CALM2: variants seen among roughly 807,000 people sequenced by gnomAD.
The protein encoded by CALM2 is calmodulin-2.
In CALM2, 2 loss-of-function variants were observed where a neutral mutation model predicts 19.8. That is an observed-to-expected ratio of 0.10 (90% CI 0.04 to 0.32). The LOEUF is 0.32. CALM2 is among the 10% of genes least tolerant of loss of function. CALM2 has a pLI of 1.00. For missense variants in CALM2, 38 were observed against 178.7 expected, an observed-to-expected ratio of 0.21 and a Z score of 4.49; for synonymous variants, 51 against 52.1, an observed-to-expected ratio of 0.98 and a Z score of 0.09.
upstream of CALM2, chr2:47,176,933 A>G (rs1187201620): frequency 1.0e-6 from 1 of 985,330 alleles, no homozygotes; most frequent in Admixed American, 6.1e-5. Context: ...CTGTCCTGGC[A>G]ACTGCGCCAG....
At chr2:47,164,335 C>T (rs1666384497) in intron 2 of CALM2, among the ~76,000 whole-genome samples, 1 of 138,914 alleles carries the variant, frequency 7.2e-6, no homozygotes, top group Non-Finnish European at 1.6e-5. Flanking sequence ...TGTAGTCCCC[C>T]GTCTCTACTA....
intron 4 of CALM2, 115 bp downstream of exon 4, chr2:47,162,170 TC>T (rs1687176912): frequency 1.3e-5 from 2 of 154,486 alleles, no homozygotes; most frequent in Non-Finnish European, 2.1e-5. Flanking sequence ...TGGTAAATCA[TC>T]AAAAAAAAAA....
intron 2 of CALM2, chr2:47,164,077 A>G (rs944471518): frequency 1.3e-5 from 2 of 151,788 alleles, no homozygotes; most frequent in Non-Finnish European, 2.9e-5. Context: ...CTCTACTAAA[A>G]ATACAAAAAA....
chr2:47,174,909 T>C (rs771753502), intron 1 of CALM2, among the ~76,000 whole-genome samples: 30 of 152,062 alleles, frequency 2.0e-4, no homozygotes, highest in Non-Finnish European at 3.8e-4. Flanking sequence ...ACGCTAGTTT[T>C]ATTTAAGGTG....
At chr2:47,175,067 C>T (rs1173802658) in intron 1 of CALM2, among the ~76,000 whole-genome samples, 1 of 121,062 alleles carries the variant, frequency 8.3e-6, no homozygotes. Context: ...CACAGATCAC[C>T]GCCCTCATTA....
chr2:47,162,093 G>A (rs749267372), intron 4 of CALM2, among the ~76,000 whole-genome samples, 193 bp downstream of exon 4: 13 of 134,236 alleles, frequency 9.7e-5, no homozygotes, highest in Non-Finnish European at 1.4e-4. Context: ...CAAGATGAAC[G>A]CAATACATAT....
rs78933715 is a variant in CALM2 at position 47,169,825 on chromosome 2, C to T, written c.34+909G>A. Among the ~76,000 whole-genome samples the T allele has an allele frequency of 3.9e-5, 6 of 152,034 alleles. No individual in the cohort carries two copies. The East Asian group carries it at 9.7e-4, about 24-fold the overall frequency. ...GTTTTCTCCAGCCTAAGAAAAAGTG[C>T]TCAAGTGCTTTTGAGCTCTTATCAA... On this transcript the variant is annotated intron_variant, in intron 2 of 5. Transcript: ENST00000272298.
chr2:47,162,233 C>A, intron 4 of CALM2, 53 bp downstream of exon 4: 1 of 797,920 alleles, frequency 1.3e-6, no homozygotes, highest in Non-Finnish European at 2.0e-6. Context: ...CATAATGAGT[C>A]CTGGTATCTT....
rs758311953 is a variant in CALM2, at chr2:47,176,508, G to C, written c.-65C>G. 3 of 1,606,318 alleles carry C rather than the reference G, an allele frequency of 1.9e-6. No homozygotes were observed. Among genetic ancestry groups the C allele is most frequent in the South Asian group, 1.1e-5 (1 of 89,524 alleles). ...CCACTCAGCTCGCTCTCTCCACTCG[G>C]ACTAATTCGCCTCCTCCGCCCCCAG... On this transcript the variant is annotated 5_prime_UTR_variant, in exon 1 of 6. Coordinates refer to ENST00000272298, the MANE Select transcript of CALM2 (RefSeq NM_001743.6).
intron 2 of CALM2, among the ~76,000 whole-genome samples, chr2:47,167,862 G>A (rs1408732304): frequency 4.0e-5 from 5 of 123,626 alleles, no homozygotes; most frequent in African/African-American, 1.7e-4. Context: ...TTGAACTCCT[G>A]GGCTCAAGCA....
intron 2 of CALM2, among the ~76,000 whole-genome samples, chr2:47,164,825 G>A (rs1186864868): frequency 6.6e-6 from 1 of 152,090 alleles, no homozygotes; most frequent in Non-Finnish European, 1.5e-5. Flanking sequence ...AAGAAATGGT[G>A]TACCTTCTTT....
intron 2 of CALM2, among the ~76,000 whole-genome samples, chr2:47,166,890 C>A (rs2103835529): frequency 6.6e-6 from 1 of 152,090 alleles, no homozygotes; most frequent in Non-Finnish European, 1.5e-5. Flanking sequence ...CTACCAAAAT[C>A]CATTTTAGCT....
chr2:47,162,788 C>T, intron 2 of CALM2, 126 bp from the exon 3 acceptor site: 1 of 750,174 alleles, frequency 1.3e-6, no homozygotes, highest in Non-Finnish European at 2.1e-6. Flanking sequence ...CACTGCACTT[C>T]AGCCTGGCCA....
At chr2:47,163,358 A>G (rs1052641924) in intron 2 of CALM2, 3 of 152,214 alleles carry the variant, frequency 2.0e-5, no homozygotes, top group African/African-American at 7.2e-5. Flanking sequence ...TTTCTTTGGA[A>G]TATTAAAACC....
chr2:47,164,624 A>T (rs886156657), intron 2 of CALM2, among the ~76,000 whole-genome samples: 2 of 152,170 alleles, frequency 1.3e-5, no homozygotes, highest in Non-Finnish European at 2.9e-5. Context: ...AAAGAAACTA[A>T]AACAGACTAA....
At chr2:47,164,130 C>T (rs1481043138) in intron 2 of CALM2, among the ~76,000 whole-genome samples, 3 of 149,684 alleles carry the variant, frequency 2.0e-5, no homozygotes, top group African/African-American at 5.0e-5. Context: ...CCCAGCTACT[C>T]GGGAGGCTGA....
intron 1 of CALM2, chr2:47,172,699 A>G (rs1234426403): frequency 1.1e-5 from 3 of 263,482 alleles, no homozygotes; most frequent in Non-Finnish European, 2.3e-5. Flanking sequence ...CTTTAAGGCT[A>G]AAAAAAAGTT....
intron 2 of CALM2, among the ~76,000 whole-genome samples, chr2:47,164,460 G>A (rs1277822655): frequency 4.0e-5 from 6 of 151,726 alleles, no homozygotes; most frequent in Non-Finnish European, 7.4e-5. Flanking sequence ...AGCTGGGTGT[G>A]GCGGCGTGCG....
At chr2:47,174,927 C>G (rs1666797224) in intron 1 of CALM2, among the ~76,000 whole-genome samples, 1 of 152,022 alleles carries the variant, frequency 6.6e-6, no homozygotes, top group Non-Finnish European at 1.5e-5. Context: ...GTGAAATCGT[C>G]TCCCCACACC....
Sources: allele counts gnomAD v4.1 joint callset (sites outside exome capture counted in the v4.1 genomes callset), GRCh38; gene constraint gnomAD v4.1.1; transcripts MANE v1.5; gene names NCBI Gene and HGNC (gene_info 2026-07-23, HGNC 2026-07-21).